Variants in RAB24 observed in about 807,000 individuals in gnomAD.
The protein encoded by RAB24 is ras-related protein Rab-24.
Under a neutral mutation model 31.4 loss-of-function variants are expected in RAB24, and 9 were observed. The observed-to-expected ratio is 0.29, with a 90% CI of 0.17 to 0.50. The LOEUF is 0.50. RAB24 is among the 20% of genes least tolerant of loss of function. The probability of loss-of-function intolerance (pLI) is 0.98; values close to 1 mark genes in which losing one functional copy is unlikely to be tolerated. For missense variants in RAB24, 197 were observed against 265.2 expected, an observed-to-expected ratio of 0.74 and a Z score of 1.79; for synonymous variants, 106 against 94.1, an observed-to-expected ratio of 1.13 and a Z score of -0.73.
At chr5:177,302,346 C>A in intron 5 of RAB24, 51 bp downstream of exon 5, 1 of 1,600,784 alleles carries the variant, frequency 6.2e-7, no homozygotes, top group Non-Finnish European at 8.6e-7. Context: ...TTCTTTGATC[C>A]ACCCAGACAG....
At position 177,303,060 on chromosome 5, in the gene RAB24, GA is replaced by G; in HGVS notation, c.134del (p.Phe45SerfsTer5). The G allele has an allele frequency of 6.2e-7, 1 of 1,614,102 alleles. No individual in the cohort carries two copies. Among genetic ancestry groups the G allele is most frequent in the Non-Finnish European group, 8.5e-7 (1 of 1,180,034 alleles). ...GPYQNTIGAA[F>X]VAKVMSVGDR... ...CTCCGACCGACATCACCTTGGCCAC[GA>G]AGGCGGCCCCGATGGTCTGCAACGA... On this transcript the variant is annotated frameshift_variant, in exon 2 of 8. Coordinates refer to ENST00000303251, the MANE Select transcript of RAB24 (RefSeq NM_001031677.4). LOFTEE classifies it high-confidence loss of function. The surrounding 1 kb of genome is among the most constrained non-coding windows in gnomAD (Gnocchi z 6.1).
At position 177,301,775 on chromosome 5, in the gene RAB24, T is replaced by C; in HGVS notation, c.580A>G (p.Asn194Asp). 6.2e-7 allele frequency: 1 copy of C among 1,614,224 alleles called. No individual in the cohort carries two copies. The highest frequency in any genetic ancestry group is 8.5e-7 in the Non-Finnish European group (1 of 1,180,030). The change falls in exon 8 of 8, where the codon AAC becomes GAC. Residue 194 changes from asparagine (N) to aspartate (D), a missense_variant. Asn to Asp is a conservative substitution (Grantham distance 23, BLOSUM62 1). This residue lies in a region of RAB24 where 148 missense variants were observed against 159.7 expected (regional missense o/e 0.93). Transcript: ENST00000303251. ...TGACAACAGCTGTAGAAGTAGGGGT[T>C]TGGCTTCTGGCCCAGATCCACGCCC... ...DKGVDLGQKP[N>D]PYFYSCCHH is the part of the protein sequence containing the mutation.
At position 177,301,331 on chromosome 5, in the gene RAB24, T is replaced by C. The variant is rs115624204; in HGVS notation, c.*412A>G. 117 of 197,780 alleles carry C rather than the reference T, an allele frequency of 5.9e-4. No individual in the cohort carries two copies. Among genetic ancestry groups the C allele is most frequent in the African/African-American group, 2.6e-3 (111 of 42,608 alleles). 12.3% of individuals were successfully genotyped at this position (197,780 alleles called of 1,614,324 possible). On this transcript the variant is annotated 3_prime_UTR_variant, in exon 8 of 8. Coordinates refer to ENST00000303251, the MANE Select transcript of RAB24 (RefSeq NM_001031677.4). ...GTAACCATGGGGAAAAAAGTCTTGT[T>C]TTCCAAAGGAAAATGAGAGTTGGGA...
Position 177,302,515 on chromosome 5 carries a change from G to T in RAB24, c.334-19C>A, listed in dbSNP as rs778961474. ...GGCAGCCCTGAGGCAGAAGACAAGGGTCACCTCCACAGGCCAACAAAACCC... is the reference window on the plus strand; with the variant it reads ...GGCAGCCCTGAGGCAGAAGACAAGGTTCACCTCCACAGGCCAACAAAACCC... On this transcript the variant is annotated intron_variant, in intron 4 of 7. Transcript: ENST00000303251. The T allele has an allele frequency of 3.1e-6, 5 of 1,613,896 alleles. No individual in the cohort carries two copies. In the African/African-American group the frequency reaches 6.7e-5, roughly 22 times the overall value.
In RAB24 at chr5:177,303,109, G is replaced by A; in HGVS notation, c.118-32C>T. ...CGAGAGGGAAGAGATCGGGGCCATA[G>A]GTGCAGATTACCGGCCCCCCACTCC... is the stretch of plus-strand genomic sequence containing the variant. On this transcript the variant is annotated intron_variant, in intron 1 of 7. Transcript: ENST00000303251. This position sits in a 1 kb window ranked among gnomAD's most constrained non-coding sequence, Gnocchi z 6.1. The A allele has an allele frequency of 6.2e-7, 1 of 1,613,792 alleles. No homozygotes were observed. Among genetic ancestry groups the A allele is most frequent in the South Asian group, 1.1e-5 (1 of 91,078 alleles).
At position 177,301,450 on chromosome 5, in the gene RAB24, G is replaced by A. The variant is rs1760643281; in HGVS notation, c.*293C>T. On this transcript the variant is annotated 3_prime_UTR_variant, in exon 8 of 8. Transcript: ENST00000303251. ...TCCACACAGCAGGGAAAGGGGCTGG[G>A]TGTGATGCACAGTGCACTGATTTTA... 4.5e-6 allele frequency: 2 copies of A among 441,166 alleles called. No individual in the cohort carries two copies. The highest frequency in any genetic ancestry group is 8.3e-6 in the Non-Finnish European group (2 of 241,422). 27.3% of individuals were successfully genotyped at this position (441,166 alleles called of 1,614,324 possible). A position where few individuals can be genotyped will look rare whatever the true frequency, so the allele number is the denominator to read the frequency against.
At chr5:177,302,045 A>G in intron 6 of RAB24, 58 bp from the exon 7 acceptor site, 4 of 1,610,512 alleles carry the variant, frequency 2.5e-6, no homozygotes, top group Non-Finnish European at 3.4e-6. Context: ...GGGATCTCCC[A>G]GTGACCCAGC....
rs773483185 is a variant in RAB24 at position 177,302,789 on chromosome 5, G to A, written c.228C>T (p.Ile76=). 5.0e-6 allele frequency: 8 copies of A among 1,602,418 alleles called. No homozygotes were observed. The East Asian group carries it at 1.8e-4, about 36-fold the overall frequency. ...TGGCAGCCTTGGCACCCCGATAGTA[G>A]ATTCTACTCATGGCCTCATAGCGCT... ...GSERYEAMSR[I]YYRGAKAAIV... Residue 76 remains isoleucine, a synonymous_variant, in exon 3 of 8, where the codon ATC becomes ATT. Coordinates refer to ENST00000303251, the MANE Select transcript of RAB24 (RefSeq NM_001031677.4).
chr5:177,302,944 T>C (rs1760730992), intron 2 of RAB24, 65 bp downstream of exon 2: 4 of 1,593,640 alleles, frequency 2.5e-6, no homozygotes, highest in Non-Finnish European at 3.4e-6. Flanking sequence ...AATCAACCAG[T>C]AATAGGCAGG....
At position 177,303,521 on chromosome 5, in the gene RAB24, C is replaced by G. The variant is rs1660081711; in HGVS notation, c.-233G>C. 1.7e-6 allele frequency: 1 copy of G among 592,400 alleles called. No individual in the cohort carries two copies. Among genetic ancestry groups the G allele is most frequent in the African/African-American group, 1.9e-5 (1 of 53,524 alleles). The allele number at this position is 592,400 out of a possible 1,614,324, so 36.7% of individuals were successfully genotyped here. ...GGCGCCGATTATCCTTCGAAGACCC[C>G]AAGCCTCGGGGCGGCCTGGGAGCGC... On this transcript the variant is annotated 5_prime_UTR_variant, in exon 1 of 8. Coordinates refer to ENST00000303251, the MANE Select transcript of RAB24 (RefSeq NM_001031677.4). This position sits in a 1 kb window ranked among gnomAD's most constrained non-coding sequence, Gnocchi z 6.1.
In RAB24 at chr5:177,303,222, G is replaced by A. The variant is rs1423465420; in HGVS notation, c.67C>T (p.Leu23=). 4.3e-6 allele frequency: 7 copies of A among 1,613,646 alleles called. No homozygotes were observed. The Admixed American group carries it at 5.0e-5, about 12-fold the overall frequency. The part of the protein sequence containing the change: ...LGKEYVGKTS[L]VERYVHDRFL... ...CGGTCGTGCACGTAGCGCTCCACCA[G>A]GCTAGTCTTGCCCACGTACTCCTTG... Residue 23 remains leucine, a synonymous_variant, in exon 1 of 8, where the codon CTG becomes TTG. Transcript: ENST00000303251. This position sits in a 1 kb window ranked among gnomAD's most constrained non-coding sequence, Gnocchi z 6.1.
Position 177,301,472 on chromosome 5 carries a change from T to C in RAB24, c.*271A>G, listed in dbSNP as rs1460254784. On this transcript the variant is annotated 3_prime_UTR_variant, in exon 8 of 8. Coordinates refer to ENST00000303251, the MANE Select transcript of RAB24 (RefSeq NM_001031677.4). ...TGGGTGTGATGCACAGTGCACTGAT[T>C]TTATTTACAGATCAAAAGCCACTTA... The C allele has an allele frequency of 1.9e-6, 1 of 517,832 alleles. No individual in the cohort carries two copies. The allele number at this position is 517,832 out of a possible 1,614,324, so 32.1% of individuals were successfully genotyped here. A position where few individuals can be genotyped will look rare whatever the true frequency, so the allele number is the denominator to read the frequency against.
chr5:177,303,262 C>A lies in RAB24; in HGVS notation c.27G>T (p.Lys9Asn), dbSNP rs781103448. 7 of 1,613,792 alleles carry A rather than the reference C, an allele frequency of 4.3e-6. No homozygotes were observed. Among genetic ancestry groups the A allele is most frequent in the Non-Finnish European group, 5.9e-6 (7 of 1,180,022 alleles). Reference protein sequence around the residue: MSGQRVDVKVVMLGKEYVG... With the variant: MSGQRVDVNVVMLGKEYVG... ...CGTACTCCTTGCCCAGCATCACCAC[C>A]TTGACGTCCACGCGCTGCCCGCTCA... Residue 9 changes from lysine (K) to asparagine (N), a missense_variant, in exon 1 of 8, where the codon AAG (lysine) becomes AAT (asparagine). Coordinates refer to ENST00000303251, the MANE Select transcript of RAB24 (RefSeq NM_001031677.4). This position sits in a 1 kb window ranked among gnomAD's most constrained non-coding sequence, Gnocchi z 6.1.
Position 177,303,006 on chromosome 5 carries a change from T to C in RAB24, c.186+3A>G. On this transcript the variant is annotated splice_donor_region_variant and intron_variant, in intron 2 of 7. Coordinates refer to ENST00000303251, the MANE Select transcript of RAB24 (RefSeq NM_001031677.4). This position sits in a 1 kb window ranked among gnomAD's most constrained non-coding sequence, Gnocchi z 6.1. ...CCCAAGAATAGATGGCCGGGGGACT[T>C]ACCCAAATACCTAATGTCACAGTCC... is the stretch of plus-strand genomic sequence containing the variant. 1 of 1,613,968 alleles carries C rather than the reference T, an allele frequency of 6.2e-7. No homozygotes were observed. Among genetic ancestry groups the C allele is most frequent in the South Asian group, 1.1e-5 (1 of 91,064 alleles).
intron 5 of RAB24, 62 bp downstream of exon 5, chr5:177,302,335 T>A (rs375489795): frequency 6.3e-7 from 1 of 1,593,512 alleles, no homozygotes; most frequent in African/African-American, 1.3e-5. Context: ...CAGTCCCTAT[T>A]TTCTTTGATC....
Position 177,303,022 on chromosome 5 carries a change from G to A in RAB24, c.173C>T (p.Thr58Ile), listed in dbSNP as rs754885608. The A allele has an allele frequency of 9.9e-6, 16 of 1,614,086 alleles. No individual in the cohort carries two copies. Among genetic ancestry groups the A allele is most frequent in the Non-Finnish European group, 1.3e-5 (15 of 1,180,024 alleles). Residue 58 changes from threonine to isoleucine, a missense_variant, in exon 2 of 8, where the codon ACA (threonine) becomes ATA (isoleucine). By Grantham distance (89) the Thr-to-Ile change is moderately conservative. Transcript: ENST00000303251. The surrounding 1 kb of genome is among the most constrained non-coding windows in gnomAD (Gnocchi z 6.1). ...CGGGGGACTTACCCAAATACCTAATGTCACAGTCCGGTCTCCGACCGACAT... is the reference window on the plus strand; with the variant it reads ...CGGGGGACTTACCCAAATACCTAATATCACAGTCCGGTCTCCGACCGACAT... ...KVMSVGDRTV[T>I]LGIWDTAGSE...
In RAB24 at chr5:177,302,525, C is replaced by A. The variant is rs544733474; in HGVS notation, c.334-29G>T. On this transcript the variant is annotated intron_variant, in intron 4 of 7. Transcript: ENST00000303251. ...AGGCAGAAGACAAGGGTCACCTCCA[C>A]AGGCCAACAAAACCCCAGCCCCTAG... The A allele has an allele frequency of 2.1e-5, 34 of 1,614,058 alleles. No homozygotes were observed. In the South Asian group the frequency reaches 3.3e-4, roughly 16 times the overall value.
At position 177,303,569 on chromosome 5, in the gene RAB24, G is replaced by T; in HGVS notation, c.-281C>A. The T allele has an allele frequency of 1.9e-6, 1 of 538,488 alleles. No individual in the cohort carries two copies. Among genetic ancestry groups the T allele is most frequent in the Non-Finnish European group, 3.3e-6 (1 of 301,112 alleles). 33.4% of individuals were successfully genotyped at this position (538,488 alleles called of 1,614,324 possible). ...CGCGCGGGACAGCGTCCTCAACAGC[G>T]CAGCACGCCGCCGTGCAGCTCGCTA... On this transcript the variant is annotated 5_prime_UTR_variant, in exon 1 of 8. Coordinates refer to ENST00000303251, the MANE Select transcript of RAB24 (RefSeq NM_001031677.4). This position sits in a 1 kb window ranked among gnomAD's most constrained non-coding sequence, Gnocchi z 6.1.
rs747222862 is a variant in RAB24, at chr5:177,303,244, C to T, written c.45G>A (p.Lys15=). The change falls in exon 1 of 8, where the codon AAG becomes AAA. Residue 15 remains lysine (K), a synonymous_variant. Transcript: ENST00000303251. This position sits in a 1 kb window ranked among gnomAD's most constrained non-coding sequence, Gnocchi z 6.1. ...RVDVKVVMLG[K]EYVGKTSLVE... is the part of the protein sequence containing the mutation. ...CCAGGCTAGTCTTGCCCACGTACTC[C>T]TTGCCCAGCATCACCACCTTGACGT... is the stretch of plus-strand genomic sequence containing the variant. The T allele has an allele frequency of 2.5e-6, 4 of 1,613,834 alleles. No homozygotes were observed. The highest frequency in any genetic ancestry group is 3.4e-6 in the Non-Finnish European group (4 of 1,180,034).
Sources: allele counts gnomAD v4.1 joint callset, GRCh38; gene constraint gnomAD v4.1.1; regional missense constraint gnomAD v4.1.1; non-coding constraint Gnocchi (gnomAD v3.1); transcripts MANE v1.5; gene names NCBI Gene and HGNC (gene_info 2026-07-23, HGNC 2026-07-21).